The following STIL variants were observed in gnomAD, a reference collection of about 807,000 sequenced individuals.
STIL encodes the protein SCL-interrupting locus protein.
STIL carries 55 observed loss-of-function variants against 110.1 expected under a neutral mutation model. The ratio of observed to expected loss-of-function variants is 0.50; its 90% CI spans 0.40 to 0.63. The LOEUF (loss-of-function observed/expected upper bound fraction) is 0.63, where lower values mean the gene tolerates loss of function less well. STIL is among the 20% of genes least tolerant of loss of function. The probability of loss-of-function intolerance (pLI) is 0.00; values close to 1 mark genes in which losing one functional copy is unlikely to be tolerated. For synonymous variants in STIL, 481 were observed against 530.0 expected (o/e 0.91, Z 1.27); for missense variants, 1,358 against 1,530.0 (o/e 0.89, Z 1.87).
intron 5 of STIL, 82 bp downstream of exon 5, chr1:47,301,479 T>C: frequency 7.3e-7 from 1 of 1,363,410 alleles, no homozygotes; most frequent in African/African-American, 1.4e-5. Flanking sequence ...CATTCTCAAA[T>C]ATGGTTTTAC....
rs1462649110 is a variant in STIL at position 47,282,325 on chromosome 1, C to A, written c.1248+20G>T. ...AGGTCTCTAACCACAAAAGTGAATG[C>A]ATTTTAAAATCAGTGATACCTTCTG... On this transcript the variant is annotated intron_variant, in intron 11 of 16. Transcript: ENST00000371877. 4.6e-6 allele frequency: 7 copies of A among 1,507,364 alleles called. No homozygotes were observed. Among genetic ancestry groups the A allele is most frequent in the Non-Finnish European group, 6.4e-6 (7 of 1,086,026 alleles). 93.4% of individuals were successfully genotyped at this position (1,507,364 alleles called of 1,614,324 possible).
rs916833571 is a variant in STIL, at chr1:47,278,468, G to A, written c.2217+1773C>T. On this transcript the variant is annotated intron_variant, in intron 12 of 16. Transcript: ENST00000371877. Reference sequence around the variant, plus strand: ...TAATGATTCAGATAGTCTAGACCACGGCCTGTGATCTATAATATTATATTT... The same window carrying A: ...TAATGATTCAGATAGTCTAGACCACAGCCTGTGATCTATAATATTATATTT... 9.9e-5 allele frequency among the ~76,000 whole-genome samples: 15 copies of A among 151,608 alleles called. No homozygotes were observed. In the South Asian group the frequency reaches 1.0e-3, roughly 11 times the overall value.
intron 14 of STIL, among the ~76,000 whole-genome samples, chr1:47,267,635 C>T (rs372300712): frequency 4.7e-5 from 7 of 147,644 alleles, no homozygotes; most frequent in African/African-American, 1.3e-4. Context: ...ATCACGCCAC[C>T]GTACTCCAGC....
rs1644159750 is a variant in STIL at position 47,250,631 on chromosome 1, C to T, written c.*505G>A. On this transcript the variant is annotated 3_prime_UTR_variant, in exon 17 of 17. Coordinates refer to ENST00000371877, the MANE Select transcript of STIL (RefSeq NM_001048166.1). ...GGTCGGGAGTTTGAGACCAGCCTGACCAACATGGAGAAACCAGTCTCTACT... is the reference window on the plus strand; with the variant it reads ...GGTCGGGAGTTTGAGACCAGCCTGATCAACATGGAGAAACCAGTCTCTACT... 1 of 160,100 alleles carries T rather than the reference C, an allele frequency of 6.2e-6. No homozygotes were observed. The highest frequency in any genetic ancestry group is 1.4e-5 in the Non-Finnish European group (1 of 72,920). 9.9% of individuals were successfully genotyped at this position (160,100 alleles called of 1,614,324 possible). A position where few individuals can be genotyped will look rare whatever the true frequency, so the allele number is the denominator to read the frequency against.
intron 8 of STIL, among the ~76,000 whole-genome samples, chr1:47,289,938 CAAAAAAAAAAA>C (rs59432279): frequency 9.6e-6 from 1 of 104,060 alleles, no homozygotes; most frequent in African/African-American, 3.5e-5. Flanking sequence ...ACTCCGTCTC[CAAAAAAAAAAA>C]AAAAAAAAAG....
intron 12 of STIL, among the ~76,000 whole-genome samples, chr1:47,279,706 G>A (rs74074061): frequency 0.05 from 6,452 of 129,746 alleles, 506 homozygotes; most frequent in African/African-American, 0.19. Context: ...TCCAGCCTGC[G>A]CAACAGAAGA....
At chr1:47,261,901 C>T (rs763105079) in intron 15 of STIL, among the ~76,000 whole-genome samples, 7 of 147,502 alleles carry the variant, frequency 4.7e-5, no homozygotes, top group Admixed American at 2.0e-4. Flanking sequence ...GACAGAGACT[C>T]TGTCTCAAAA....
intron 12 of STIL, among the ~76,000 whole-genome samples, chr1:47,273,311 A>C (rs747975735): frequency 9.9e-5 from 15 of 152,212 alleles, no homozygotes; most frequent in Non-Finnish European, 1.8e-4. Flanking sequence ...ATCTGATTCC[A>C]GAACATTTTC....
At chr1:47,254,963 G>A (rs1644289712) in intron 16 of STIL, among the ~76,000 whole-genome samples, 1 of 152,064 alleles carries the variant, frequency 6.6e-6, no homozygotes, top group South Asian at 2.1e-4. Flanking sequence ...TGGAGGGTGG[G>A]CTAGGGGCAA....
At chr1:47,290,521 C>T (rs1645452648) in intron 8 of STIL, among the ~76,000 whole-genome samples, 1 of 152,146 alleles carries the variant, frequency 6.6e-6, no homozygotes, top group East Asian at 1.9e-4. Flanking sequence ...CTGGCTACCA[C>T]AGTGAAACCC....
rs1360521186 is a variant in STIL at position 47,289,528 on chromosome 1, T to C, written c.930A>G (p.Glu310=). The C allele has an allele frequency of 3.1e-6, 5 of 1,613,858 alleles. No homozygotes were observed. The highest frequency in any genetic ancestry group is 3.3e-4 in the Middle Eastern group (2 of 6,058). ...IIVLYSMTHK[E]PEFYECFPCD... ...AAGGGAAGCATTCATAAAACTCAGG[T>C]TCCTTATGTGTCATAGAATAGAGAA... Residue 310 remains glutamate (E), a synonymous_variant, in exon 9 of 17, where the codon GAA becomes GAG. Coordinates refer to ENST00000371877, the MANE Select transcript of STIL (RefSeq NM_001048166.1).
At chr1:47,261,691 G>A (rs944754817) in intron 15 of STIL, among the ~76,000 whole-genome samples, 9 of 150,696 alleles carry the variant, frequency 6.0e-5, no homozygotes, top group Admixed American at 4.7e-4. Context: ...AGTAAGCTGA[G>A]ATCATGTCAC....
At chr1:47,264,660 G>A (rs1312030405) in intron 14 of STIL, among the ~76,000 whole-genome samples, 2 of 152,138 alleles carry the variant, frequency 1.3e-5, no homozygotes, top group Non-Finnish European at 2.9e-5. Flanking sequence ...GGGACTGGAA[G>A]CCCTGGAGTT....
chr1:47,301,977 T>C (rs1296500592), intron 4 of STIL, among the ~76,000 whole-genome samples: 2 of 152,234 alleles, frequency 1.3e-5, no homozygotes, highest in East Asian at 3.8e-4. Flanking sequence ...CTGTAATTAA[T>C]AGTTTTACTC....
At chr1:47,258,354 C>G (rs1310034707) in intron 16 of STIL, among the ~76,000 whole-genome samples, 1 of 152,146 alleles carries the variant, frequency 6.6e-6, no homozygotes, top group African/African-American at 2.4e-5. Context: ...ATTTATCCTA[C>G]AAAGATACTT....
At chr1:47,265,648 G>C (rs915059217) in intron 14 of STIL, among the ~76,000 whole-genome samples, 4 of 151,936 alleles carry the variant, frequency 2.6e-5, no homozygotes, top group African/African-American at 9.7e-5. Context: ...GGGCATAGTG[G>C]CAAGTGCCTG....
At chr1:47,295,723 A>T (rs1277788593) in intron 7 of STIL, 42 bp downstream of exon 7, 1 of 1,340,324 alleles carries the variant, frequency 7.5e-7, no homozygotes, top group Admixed American at 1.7e-5. Context: ...ATACATTTGA[A>T]CATTTGGCTG....
chr1:47,288,402 T>C (rs1271139136), intron 9 of STIL, among the ~76,000 whole-genome samples: 2 of 152,092 alleles, frequency 1.3e-5, no homozygotes, highest in African/African-American at 2.4e-5. Flanking sequence ...GTTCAAGTGA[T>C]TCTCCTGCCT....
intron 14 of STIL, among the ~76,000 whole-genome samples, chr1:47,268,557 C>T (rs1028422106): frequency 4.0e-5 from 6 of 151,634 alleles, no homozygotes; most frequent in African/African-American, 1.2e-4. Context: ...GAGTTCACGA[C>T]CAGCCTGGCC....
Sources: allele counts gnomAD v4.1 joint callset (sites outside exome capture counted in the v4.1 genomes callset), GRCh38; gene constraint gnomAD v4.1.1; transcripts MANE v1.5; gene names NCBI Gene and HGNC (gene_info 2026-07-23, HGNC 2026-07-21).